PCDHGB2: variants seen among roughly 807,000 people sequenced by gnomAD.
PCDHGB2 encodes the protein protocadherin gamma-B2.
In PCDHGB2, 55 loss-of-function variants were observed where a neutral mutation model predicts 59.3. The ratio of observed to expected loss-of-function variants is 0.93; its 90% CI spans 0.75 to 1.16. The LOEUF is 1.16. PCDHGB2 is among the 50% of genes most tolerant of loss of function. PCDHGB2 has a pLI of 0.00. For synonymous variants in PCDHGB2, 516 were observed against 512.0 expected, an observed-to-expected ratio of 1.01 and a Z score of -0.11; for missense variants, 1,228 against 1,198.5, an observed-to-expected ratio of 1.02 and a Z score of -0.36.
rs761386567 is a variant in PCDHGB2 at position 141,383,468 on chromosome 5, A to G, written c.2421+20912A>G. ...GTGCAAAGTGGAGACGATGAAACTA[A>G]GTACCCGGAACTGGTGCTGGAGCGG... On this transcript the variant is annotated intron_variant, in intron 1 of 3. Transcript: ENST00000522605. The G allele has an allele frequency of 1.1e-5, 17 of 1,613,656 alleles. 1 individual carries two copies. In the South Asian group the frequency reaches 1.9e-4, roughly 18 times the overall value.
Position 141,413,187 on chromosome 5 carries a change from A to G in PCDHGB2, c.2421+50631A>G, listed in dbSNP as rs778441437. The G allele has an allele frequency of 6.2e-6, 10 of 1,606,328 alleles. No individual in the cohort carries two copies. The African/African-American group carries it at 1.3e-4, about 22-fold the overall frequency. On this transcript the variant is annotated intron_variant, in intron 1 of 3. Transcript: ENST00000522605. Reference sequence around the variant, plus strand: ...GTAACCAGACTACAATGGCCGCTCAAAGGAATCGCTCAAAGGAATCAAAGG... The same window carrying G: ...GTAACCAGACTACAATGGCCGCTCAGAGGAATCGCTCAAAGGAATCAAAGG...
At chr5:141,456,687 A>G (rs1053490307) in intron 1 of PCDHGB2, among the ~76,000 whole-genome samples, 1 of 152,156 alleles carries the variant, frequency 6.6e-6, no homozygotes. Context: ...ATTACTGGCC[A>G]GGCGTGGTGG....
chr5:141,421,342 G>A (rs199737254), intron 1 of PCDHGB2: 25 of 1,613,872 alleles, frequency 1.5e-5, no homozygotes, highest in Non-Finnish European at 1.9e-5. Context: ...GGTGCCAGAA[G>A]AGACCGAAAA....
At chr5:141,410,195 G>C (rs769655902) in intron 1 of PCDHGB2, 1 of 1,613,966 alleles carries the variant, frequency 6.2e-7, no homozygotes, top group South Asian at 1.1e-5. Flanking sequence ...TCTGGTCTTC[G>C]CAGACAACTT....
At position 141,427,408 on chromosome 5, in the gene PCDHGB2, G is replaced by C. The variant is rs975709597; in HGVS notation, c.2421+64852G>C. ...TTCAAAACACATGATAAAGATTCGA[G>C]AGAAAATGGGGAGGTTACATGCCTC... On this transcript the variant is annotated intron_variant, in intron 1 of 3. Coordinates refer to ENST00000522605, the MANE Select transcript of PCDHGB2 (RefSeq NM_018923.3). The C allele has an allele frequency of 1.3e-5, 6 of 463,300 alleles. No homozygotes were observed. In the Admixed American group the frequency reaches 1.4e-4, roughly 11 times the overall value. The allele number at this position is 463,300 out of a possible 1,614,324, so 28.7% of individuals were successfully genotyped here. A position where few individuals can be genotyped will look rare whatever the true frequency, so the allele number is the denominator to read the frequency against.
chr5:141,418,948 A>G (rs767664022), intron 1 of PCDHGB2: 1 of 1,614,042 alleles, frequency 6.2e-7, no homozygotes, highest in Non-Finnish European at 8.5e-7. Context: ...CCCCTCCAGG[A>G]GTGGTTGTTG....
chr5:141,395,380 T>A, intron 1 of PCDHGB2: 2 of 1,112,040 alleles, frequency 1.8e-6, no homozygotes, highest in Non-Finnish European at 2.5e-6. Flanking sequence ...GTGGTGTTAC[T>A]ATAAAATTGA....
In PCDHGB2 at chr5:141,432,513, G is replaced by T. The variant is rs755227021; in HGVS notation, c.2422-62294G>T. On this transcript the variant is annotated intron_variant, in intron 1 of 3. Coordinates refer to ENST00000522605, the MANE Select transcript of PCDHGB2 (RefSeq NM_018923.3). The surrounding 1 kb of genome is among the most constrained non-coding windows in gnomAD (Gnocchi z 6.0). ...CTGGCTCCCCGCTCCGCAGAGCCCG[G>T]CTACCTGGTGACCAAGGTGGTGGCG... The T allele has an allele frequency of 3.1e-6, 5 of 1,614,102 alleles. No individual in the cohort carries two copies. Among genetic ancestry groups the T allele is most frequent in the African/African-American group, 2.7e-5 (2 of 75,062 alleles).
intron 1 of PCDHGB2, chr5:141,366,028 C>T (rs1291382727): frequency 1.2e-6 from 2 of 1,614,136 alleles, no homozygotes; most frequent in Non-Finnish European, 1.7e-6. Flanking sequence ...TGTACCCCGC[C>T]CTCCCCACAG....
In PCDHGB2 at chr5:141,364,151, G is replaced by T. The variant is rs1285824596; in HGVS notation, c.2421+1595G>T. The T allele has an allele frequency of 1.1e-5, 6 of 558,010 alleles. No individual in the cohort carries two copies. The African/African-American group carries it at 1.2e-4, about 11-fold the overall frequency. 34.6% of individuals were successfully genotyped at this position (558,010 alleles called of 1,614,324 possible). ...TGTTGACCAAAGTGGGAAAGAAGCT[G>T]CCGCAGAGGCGACCCGACTCTGCTC... On this transcript the variant is annotated intron_variant, in intron 1 of 3. Transcript: ENST00000522605.
rs1326004540 is a variant in PCDHGB2 at position 141,477,117 on chromosome 5, C to T, written c.2422-17690C>T. Reference sequence around the variant, plus strand: ...GACAAGGGCGCCAATCCCGAAGGAGCACATTGCAAAGTGTTGGTGGAGGTT... The same window carrying T: ...GACAAGGGCGCCAATCCCGAAGGAGTACATTGCAAAGTGTTGGTGGAGGTT... On this transcript the variant is annotated intron_variant, in intron 1 of 3. Coordinates refer to ENST00000522605, the MANE Select transcript of PCDHGB2 (RefSeq NM_018923.3). The surrounding 1 kb of genome is among the most constrained non-coding windows in gnomAD (Gnocchi z 4.9). 1.2e-6 allele frequency: 2 copies of T among 1,614,246 alleles called. No homozygotes were observed. Among genetic ancestry groups the T allele is most frequent in the East Asian group, 4.5e-5 (2 of 44,886 alleles).
chr5:141,409,055 G>A lies in PCDHGB2; in HGVS notation c.2421+46499G>A, dbSNP rs141881204. The A allele has an allele frequency of 7.2e-5, 117 of 1,614,038 alleles. No individual in the cohort carries two copies. Among genetic ancestry groups the A allele is most frequent in the Admixed American group, 5.0e-4 (30 of 60,032 alleles). On this transcript the variant is annotated intron_variant, in intron 1 of 3. Coordinates refer to ENST00000522605, the MANE Select transcript of PCDHGB2 (RefSeq NM_018923.3). ...GATAAACTACTACTTCCGAAGCACT[G>A]CCCAGAGCACAAAACATATGTTCTC...
chr5:141,399,431 T>C (rs757950073), intron 1 of PCDHGB2: 1 of 1,613,970 alleles, frequency 6.2e-7, no homozygotes, highest in Non-Finnish European at 8.5e-7. Flanking sequence ...ATAAGCGTCA[T>C]CCTACATATC....
Position 141,394,191 on chromosome 5 carries a change from T to C in PCDHGB2, c.2421+31635T>C, listed in dbSNP as rs775886477. 3 of 1,613,764 alleles carry C rather than the reference T, an allele frequency of 1.9e-6. No homozygotes were observed. The Admixed American group carries it at 5.0e-5, about 27-fold the overall frequency. On this transcript the variant is annotated intron_variant, in intron 1 of 3. Coordinates refer to ENST00000522605, the MANE Select transcript of PCDHGB2 (RefSeq NM_018923.3). ...TTTCCCTCATGCCTCCTACTCAGCG[T>C]ATATCCTAGAGAACAACCTGAGAGG...
In PCDHGB2 at chr5:141,403,896, A is replaced by T. The variant is rs2094466164; in HGVS notation, c.2421+41340A>T. 6.2e-7 allele frequency: 1 copy of T among 1,613,866 alleles called. No individual in the cohort carries two copies. On this transcript the variant is annotated intron_variant, in intron 1 of 3. Transcript: ENST00000522605. The stretch of plus-strand genomic sequence containing the variant: ...CTAGATTATGAAGAATGTTCATTTT[A>T]TGAAATGGAAATACAAGCTGAAGAT...
At chr5:141,428,155 G>A (rs767716956) in intron 1 of PCDHGB2, 7 of 1,581,618 alleles carry the variant, frequency 4.4e-6, no homozygotes, top group East Asian at 2.2e-5. Flanking sequence ...ACGGGAACCT[G>A]CTGGTTGCTG....
In PCDHGB2 at chr5:141,477,080, A is replaced by G; in HGVS notation, c.2422-17727A>G. 1.9e-6 allele frequency: 3 copies of G among 1,614,254 alleles called. No homozygotes were observed. The highest frequency in any genetic ancestry group is 2.5e-6 in the Non-Finnish European group (3 of 1,180,042). ...GGACACCAAACTCCATGAGATTTAC[A>G]TCCAGGCCAAAGACAAGGGCGCCAA... On this transcript the variant is annotated intron_variant, in intron 1 of 3. Coordinates refer to ENST00000522605, the MANE Select transcript of PCDHGB2 (RefSeq NM_018923.3). The surrounding 1 kb of genome is among the most constrained non-coding windows in gnomAD (Gnocchi z 4.9).
intron 1 of PCDHGB2, chr5:141,417,091 A>G (rs1345871347): frequency 6.6e-6 from 1 of 152,194 alleles, no homozygotes; most frequent in Non-Finnish European, 1.5e-5. Flanking sequence ...TTTTGATTAT[A>G]ATTATTTAAA....
At chr5:141,448,523 A>G (rs2098593853) in intron 1 of PCDHGB2, among the ~76,000 whole-genome samples, 1 of 152,166 alleles carries the variant, frequency 6.6e-6, no homozygotes, top group African/African-American at 2.4e-5. Context: ...TTTATTAAGC[A>G]TCCTGTCAGC....
Sources: allele counts gnomAD v4.1 joint callset (sites outside exome capture counted in the v4.1 genomes callset), GRCh38; gene constraint gnomAD v4.1.1; non-coding constraint Gnocchi (gnomAD v3.1); transcripts MANE v1.5; gene names NCBI Gene and HGNC (gene_info 2026-07-23, HGNC 2026-07-21).